FAF1: variants seen among roughly 807,000 people sequenced by gnomAD.
FAF1 encodes the protein Fas associated factor 1.
Under a neutral mutation model 92.5 loss-of-function variants are expected in FAF1, and 25 were observed. The observed-to-expected ratio is 0.27, with a 90% CI of 0.20 to 0.38. The LOEUF (loss-of-function observed/expected upper bound fraction) is 0.38. Ranked by LOEUF, FAF1 falls within the 10% of genes least tolerant of loss-of-function variation. The probability of loss-of-function intolerance (pLI) is 1.00; values close to 1 mark genes in which losing one functional copy is unlikely to be tolerated. For synonymous variants in FAF1, 234 were observed against 273.2 expected, an observed-to-expected ratio of 0.86 and a Z score of 1.42; for missense variants, 636 against 793.3, an observed-to-expected ratio of 0.80 and a Z score of 2.38.
chr1:50,523,555 T>C (rs892811584), intron 15 of FAF1, among the ~76,000 whole-genome samples: 4 of 152,246 alleles, frequency 2.6e-5, no homozygotes, highest in African/African-American at 9.6e-5. Context: ...TGGTCATCTG[T>C]ATATCTTTGA....
chr1:50,857,404 G>T (rs1286870711), intron 2 of FAF1, among the ~76,000 whole-genome samples: 1 of 151,226 alleles, frequency 6.6e-6, no homozygotes, highest in Non-Finnish European at 1.5e-5. Context: ...ATCCATTTTT[G>T]GTTTGCTTTG....
chr1:50,522,042 G>T (rs565922555), intron 15 of FAF1, among the ~76,000 whole-genome samples: 1 of 152,182 alleles, frequency 6.6e-6, no homozygotes, highest in East Asian at 1.9e-4. Context: ...TGTAAACAGG[G>T]ACGGTATGGA....
chr1:50,742,016 T>G (rs905935911), intron 5 of FAF1, among the ~76,000 whole-genome samples: 3 of 151,946 alleles, frequency 2.0e-5, no homozygotes, highest in Non-Finnish European at 4.4e-5. Flanking sequence ...TACATAGAAA[T>G]AAGTAACTGA....
intron 12 of FAF1, 135 bp downstream of exon 12, chr1:50,582,483 T>C (rs540577397): frequency 6.4e-6 from 4 of 626,062 alleles, no homozygotes; most frequent in South Asian, 4.2e-5. Flanking sequence ...AATGATGACA[T>C]ACAAATTCGT....
At chr1:50,491,657 A>C (rs1646840112) in intron 16 of FAF1, 64 bp downstream of exon 16, 1 of 1,159,944 alleles carries the variant, frequency 8.6e-7, no homozygotes, top group African/African-American at 1.5e-5. Flanking sequence ...CAAAGTGATA[A>C]AGGTTGGCAT....
chr1:50,602,626 C>G (rs1488988815), intron 8 of FAF1, among the ~76,000 whole-genome samples: 1 of 151,802 alleles, frequency 6.6e-6, no homozygotes, highest in East Asian at 1.9e-4. Context: ...CCTCAGCCTC[C>G]TGAGTACCTG....
intron 8 of FAF1, among the ~76,000 whole-genome samples, chr1:50,606,450 G>A (rs947106531): frequency 6.8e-6 from 1 of 147,234 alleles, no homozygotes; most frequent in African/African-American, 2.5e-5. Flanking sequence ...AACCTGTGGA[G>A]AGCATTTTTG....
Position 50,596,213 on chromosome 1 carries a change from A to G in FAF1, c.748T>C (p.Cys250Arg), listed in dbSNP as rs201168076. ...TAAGAGAGCCCTGATTCAGCAAGAC[A>G]CATCTGCAAAAAGTAGAATCCATCA... ...WPTSATDDSM[C>R]LAESGLSYPC... The change falls in exon 9 of 19, where the codon TGT (cysteine) becomes CGT (arginine). Residue 250 changes from cysteine to arginine, a missense_variant. This residue lies in a region of FAF1 where 317 missense variants were observed against 342.4 expected (regional missense o/e 0.93). Coordinates refer to ENST00000396153, the MANE Select transcript of FAF1 (RefSeq NM_007051.3). 11 of 1,610,022 alleles carry G rather than the reference A, an allele frequency of 6.8e-6. No homozygotes were observed. In the East Asian group the frequency reaches 2.2e-4, roughly 33 times the overall value.
chr1:50,918,237 A>C (rs1260967292), intron 1 of FAF1, among the ~76,000 whole-genome samples: 1 of 132,922 alleles, frequency 7.5e-6, no homozygotes, highest in East Asian at 2.2e-4. Flanking sequence ...ACATGTGCAC[A>C]TTGTGCAGGT....
intron 3 of FAF1, among the ~76,000 whole-genome samples, chr1:50,790,034 A>G (rs572666691): frequency 2.6e-5 from 4 of 152,246 alleles, no homozygotes; most frequent in African/African-American, 9.6e-5. Flanking sequence ...AACTCAGGGC[A>G]CTAGGTCTAA....
At chr1:50,753,914 T>C (rs1557510816) in intron 4 of FAF1, among the ~76,000 whole-genome samples, 13 of 152,022 alleles carry the variant, frequency 8.6e-5, no homozygotes. Flanking sequence ...TACGCCACCA[T>C]GCTCAGCTAA....
At chr1:50,566,303 A>G (rs1650172437) in intron 13 of FAF1, among the ~76,000 whole-genome samples, 1 of 152,116 alleles carries the variant, frequency 6.6e-6, no homozygotes, top group Non-Finnish European at 1.5e-5. Context: ...TTAGGTGACT[A>G]AAATATGCTT....
In FAF1 at chr1:50,910,658, G is replaced by T. The variant is rs184937220; in HGVS notation, c.45+49109C>A. ...GACTGCTGTGCTAGCAGTGAGCAAG[G>T]CTCCGTGGCCGTGGGACCCTCCAAG... On this transcript the variant is annotated intron_variant, in intron 1 of 18. Transcript: ENST00000396153. Among the ~76,000 whole-genome samples, 16 of 151,872 alleles carry T rather than the reference G, an allele frequency of 1.1e-4. No individual in the cohort carries two copies. The East Asian group carries it at 2.3e-3, about 22-fold the overall frequency.
intron 15 of FAF1, among the ~76,000 whole-genome samples, chr1:50,528,196 A>C (rs1365572945): frequency 6.6e-6 from 1 of 152,010 alleles, no homozygotes. Flanking sequence ...TTAGCTTCTT[A>C]TGGCCAATTT....
rs527257481 is a variant in FAF1, at chr1:50,538,668, T to C, written c.1405+924A>G. Among the ~76,000 whole-genome samples the C allele has an allele frequency of 2.0e-5, 3 of 152,264 alleles. No homozygotes were observed. The East Asian group carries it at 5.8e-4, about 29-fold the overall frequency. ...ACCACACCTTGAGAAACACTAGTTC[T>C]TGCAACATTGCCTCTGACAGGGAAA... On this transcript the variant is annotated intron_variant, in intron 14 of 18. Coordinates refer to ENST00000396153, the MANE Select transcript of FAF1 (RefSeq NM_007051.3).
chr1:50,898,297 CA>C lies in FAF1; in HGVS notation c.46-40301del, dbSNP rs1644771964. ...GGCACTGCCCTCCAGCCTAGACAAACAGAGCAAGACTCCACCTCTTGAAAAA... is the reference window on the plus strand; with the variant it reads ...GGCACTGCCCTCCAGCCTAGACAAACGAGCAAGACTCCACCTCTTGAAAAA... On this transcript the variant is annotated intron_variant, in intron 1 of 18. Coordinates refer to ENST00000396153, the MANE Select transcript of FAF1 (RefSeq NM_007051.3). Among the ~76,000 whole-genome samples, 3 of 152,210 alleles carry C rather than the reference CA, an allele frequency of 2.0e-5. No homozygotes were observed. The South Asian group carries it at 6.2e-4, about 32-fold the overall frequency.
At chr1:50,953,614 C>A (rs998244077) in intron 1 of FAF1, among the ~76,000 whole-genome samples, 2 of 151,716 alleles carry the variant, frequency 1.3e-5, no homozygotes, top group Admixed American at 1.3e-4. Flanking sequence ...TGGTTCTCGC[C>A]TGTAATCCCA....
chr1:50,869,236 T>C (rs1644507500), intron 1 of FAF1, among the ~76,000 whole-genome samples: 1 of 152,210 alleles, frequency 6.6e-6, no homozygotes, highest in Non-Finnish European at 1.5e-5. Flanking sequence ...CCATATTTTT[T>C]AACTGTGGCT....
At chr1:50,927,520 G>A (rs1019630507) in intron 1 of FAF1, among the ~76,000 whole-genome samples, 3 of 152,082 alleles carry the variant, frequency 2.0e-5, no homozygotes, top group African/African-American at 4.8e-5. Flanking sequence ...CTGCCTGGGC[G>A]GCAGAGTGAG....
Sources: allele counts gnomAD v4.1 joint callset (sites outside exome capture counted in the v4.1 genomes callset), GRCh38; gene constraint gnomAD v4.1.1; regional missense constraint gnomAD v4.1.1; transcripts MANE v1.5; gene names NCBI Gene and HGNC (gene_info 2026-07-23, HGNC 2026-07-21).